The following NALF1 variants were observed in gnomAD, a reference collection of about 807,000 sequenced individuals.
The protein encoded by NALF1 is NALCN channel auxiliary factor 1.
Under a neutral mutation model 48.4 loss-of-function variants are expected in NALF1, and 3 were observed. The observed-to-expected ratio is 0.06, with a 90% confidence interval of 0.03 to 0.16. NALF1 has a LOEUF of 0.16. NALF1 is among the 10% of genes least tolerant of loss of function. The probability of loss-of-function intolerance (pLI) is 1.00; values close to 1 mark genes in which losing one functional copy is unlikely to be tolerated. For synonymous variants in NALF1, 262 were observed against 245.7 expected, an observed-to-expected ratio of 1.07 and a Z score of -0.62; for missense variants, 526 against 571.5, an observed-to-expected ratio of 0.92 and a Z score of 0.81.
chr13:107,270,139 T>A (rs887048212), intron 1 of NALF1, among the ~76,000 whole-genome samples: 1 of 152,034 alleles, frequency 6.6e-6, no homozygotes, highest in Admixed American at 6.6e-5. Context: ...TGACCACCTA[T>A]ATGAGGCCAT....
chr13:107,262,745 T>C (rs1401662997), intron 1 of NALF1, among the ~76,000 whole-genome samples: 1 of 144,508 alleles, frequency 6.9e-6, no homozygotes, highest in Non-Finnish European at 1.5e-5. Context: ...CATGGAACCA[T>C]ATTAAGTTGC....
intron 1 of NALF1, among the ~76,000 whole-genome samples, chr13:107,657,152 C>T (rs555999181): frequency 2.7e-4 from 40 of 149,500 alleles, no homozygotes; most frequent in Non-Finnish European, 4.3e-4. Flanking sequence ...AATACCTGTT[C>T]GCCAAAAACC....
At chr13:107,227,090 A>G (rs1042052812) in intron 1 of NALF1, among the ~76,000 whole-genome samples, 10 of 152,264 alleles carry the variant, frequency 6.6e-5, no homozygotes, top group African/African-American at 2.4e-4. Flanking sequence ...TCGGCACACC[A>G]TCAGAATAGC....
rs1424700256 is a variant in NALF1 at position 107,850,746 on chromosome 13, T to A, written c.915+14936A>T. 3.3e-5 allele frequency among the ~76,000 whole-genome samples: 5 copies of A among 151,810 alleles called. No homozygotes were observed. In the South Asian group the frequency reaches 1.0e-3, roughly 32 times the overall value. ...GGTGAAACTCCATCTCTACTAAAAGTACAAAAATTAGCCGAACGTGGTGGC... is the reference window on the plus strand; with the variant it reads ...GGTGAAACTCCATCTCTACTAAAAGAACAAAAATTAGCCGAACGTGGTGGC... On this transcript the variant is annotated intron_variant, in intron 1 of 2. Transcript: ENST00000375915.
chr13:107,270,834 G>A (rs1019865981), intron 1 of NALF1, among the ~76,000 whole-genome samples: 1 of 128,832 alleles, frequency 7.8e-6, no homozygotes, highest in African/African-American at 3.0e-5. Context: ...CCCACAACAG[G>A]CCCCGGTGTG....
At chr13:107,275,860 G>A (rs1352123118) in intron 1 of NALF1, among the ~76,000 whole-genome samples, 1 of 152,198 alleles carries the variant, frequency 6.6e-6, no homozygotes, top group Non-Finnish European at 1.5e-5. Context: ...TGAGCCTGCA[G>A]TGTTTAGACC....
intron 1 of NALF1, among the ~76,000 whole-genome samples, chr13:107,644,717 T>C (rs1880265717): frequency 6.8e-6 from 1 of 147,084 alleles, no homozygotes; most frequent in African/African-American, 2.5e-5. Context: ...ATAAGGAAAC[T>C]GTTCATAGGT....
chr13:107,450,692 C>T (rs1255915388), intron 1 of NALF1, among the ~76,000 whole-genome samples: 4 of 151,990 alleles, frequency 2.6e-5, no homozygotes, highest in East Asian at 3.9e-4. Context: ...CGTCTGTGGC[C>T]GGAACTGGTT....
rs566416063 is a variant in NALF1, at chr13:107,518,794, T to C, written c.916-308039A>G. On this transcript the variant is annotated intron_variant, in intron 1 of 2. Transcript: ENST00000375915. Reference sequence around the variant, plus strand: ...ATGCTGATTTTCAGACAGAACATTCTAAACAAATTTGAGAACATCATGGTC... The same window carrying C: ...ATGCTGATTTTCAGACAGAACATTCCAAACAAATTTGAGAACATCATGGTC... Among the ~76,000 whole-genome samples the C allele has an allele frequency of 2.0e-5, 3 of 152,264 alleles. No individual in the cohort carries two copies. The South Asian group carries it at 6.2e-4, about 32-fold the overall frequency.
intron 1 of NALF1, among the ~76,000 whole-genome samples, chr13:107,779,607 G>A (rs1877827788): frequency 1.3e-5 from 2 of 152,158 alleles, no homozygotes; most frequent in South Asian, 4.1e-4. Flanking sequence ...GCTGACAAAA[G>A]TGCGTTGATT....
chr13:107,586,549 G>A (rs762955882), intron 1 of NALF1, among the ~76,000 whole-genome samples: 7 of 149,192 alleles, frequency 4.7e-5, no homozygotes, highest in Non-Finnish European at 1.0e-4. Context: ...TGGGAAGTAG[G>A]TTACTCAACT....
intron 1 of NALF1, among the ~76,000 whole-genome samples, chr13:107,680,810 G>A (rs1336086080): frequency 6.6e-6 from 1 of 151,182 alleles, no homozygotes; most frequent in African/African-American, 2.4e-5. Flanking sequence ...AGGGTGAGTG[G>A]TGTGAGTGTA....
At chr13:107,451,735 A>C (rs369941986) in intron 1 of NALF1, among the ~76,000 whole-genome samples, 6 of 152,106 alleles carry the variant, frequency 3.9e-5, no homozygotes, top group African/African-American at 1.4e-4. Context: ...TTCTTAATAC[A>C]TTGCACATCG....
chr13:107,647,542 C>T lies in NALF1; in HGVS notation c.915+218140G>A, dbSNP rs866594766. Among the ~76,000 whole-genome samples, 231 of 150,492 alleles carry T rather than the reference C, an allele frequency of 1.5e-3. 2 individuals are homozygous for T. Among genetic ancestry groups the T allele is most frequent in the African/African-American group, 5.2e-3 (212 of 40,996 alleles). The stretch of plus-strand genomic sequence containing the variant: ...TACAAAGGCAGAATTGCAAACATAA[C>T]AATCCCATGAAACCTTAATAACATA... On this transcript the variant is annotated intron_variant, in intron 1 of 2. Coordinates refer to ENST00000375915, the MANE Select transcript of NALF1 (RefSeq NM_001080396.3).
intron 1 of NALF1, among the ~76,000 whole-genome samples, chr13:107,418,814 A>T (rs117534080): frequency 6.6e-6 from 1 of 152,248 alleles, no homozygotes; most frequent in East Asian, 1.9e-4. Flanking sequence ...ACACACATAC[A>T]TGTAATACCC....
intron 1 of NALF1, among the ~76,000 whole-genome samples, chr13:107,383,984 C>T (rs892818644): frequency 6.6e-6 from 1 of 152,132 alleles, no homozygotes; most frequent in Non-Finnish European, 1.5e-5. Context: ...TTTGGTGGTT[C>T]ACACCTGTAA....
At chr13:107,379,597 C>T (rs1369996945) in intron 1 of NALF1, among the ~76,000 whole-genome samples, 1 of 152,128 alleles carries the variant, frequency 6.6e-6, no homozygotes, top group Non-Finnish European at 1.5e-5. Flanking sequence ...ACACCCTTCT[C>T]AGGGAATGTT....
chr13:107,843,293 G>C (rs1413485788), intron 1 of NALF1, among the ~76,000 whole-genome samples: 1 of 152,176 alleles, frequency 6.6e-6, no homozygotes, highest in East Asian at 1.9e-4. Flanking sequence ...TATCAGAAAA[G>C]TTAAGGAAAT....
In NALF1 at chr13:107,399,199, C is replaced by T. The variant is rs1883762350; in HGVS notation, c.916-188444G>A. On this transcript the variant is annotated intron_variant, in intron 1 of 2. Coordinates refer to ENST00000375915, the MANE Select transcript of NALF1 (RefSeq NM_001080396.3). Reference sequence around the variant, plus strand: ...CTCTCACCTTTTGGTCACTGGGAAACAAATGGAGGTAGGGGGTTGTATACA... The same window carrying T: ...CTCTCACCTTTTGGTCACTGGGAAATAAATGGAGGTAGGGGGTTGTATACA... Among the ~76,000 whole-genome samples the T allele has an allele frequency of 2.6e-5, 4 of 151,976 alleles. 1 individual carries two copies. Among genetic ancestry groups the T allele is most frequent in the Admixed American group, 2.6e-4 (4 of 15,240 alleles).
Sources: gnomAD v4.1 joint callset for allele counts (sites outside exome capture counted in the v4.1 genomes callset) on GRCh38, gnomAD v4.1.1 for gene constraint, MANE v1.5 for transcripts, NCBI Gene and HGNC (gene_info 2026-07-23, HGNC 2026-07-21) for gene names.